The following CNTN5 variants were observed in gnomAD, a reference collection of about 807,000 sequenced individuals.
CNTN5 encodes the protein contactin 5.
In CNTN5, 77 loss-of-function variants were observed where a neutral mutation model predicts 129.1. The ratio of observed to expected loss-of-function variants is 0.60; its 90% CI spans 0.50 to 0.72. The LOEUF is 0.72. Among genes scored for constraint, CNTN5 ranks in the 30% least tolerant of loss-of-function variants. CNTN5 has a pLI of 0.00. For synonymous variants in CNTN5, 509 were observed against 465.6 expected, an observed-to-expected ratio of 1.09 and a Z score of -1.20; for missense variants, 1,478 against 1,328.8, an observed-to-expected ratio of 1.11 and a Z score of -1.75.
intron 1 of CNTN5, among the ~76,000 whole-genome samples, chr11:99,067,424 T>TAAAAAAAAA (rs11330416): frequency 7.4e-6 from 1 of 135,606 alleles, no homozygotes. Flanking sequence ...CAATGTTGAC[T>TAAAAAAAAA]AAAAAAAAAA....
rs146906403 is a variant in CNTN5 at position 100,033,150 on chromosome 11, G to C, written c.981-28062G>C. 1.4e-3 allele frequency among the ~76,000 whole-genome samples: 207 copies of C among 152,216 alleles called. 2 individuals are homozygous for C. The highest frequency in any genetic ancestry group is 4.8e-3 in the African/African-American group (200 of 41,530). Reference sequence around the variant, plus strand: ...TGACAGAATATAGACAGTTTTTAAAGTAATAAAATGTAATGAGCCCAGACG... The same window carrying C: ...TGACAGAATATAGACAGTTTTTAAACTAATAAAATGTAATGAGCCCAGACG... On this transcript the variant is annotated intron_variant, in intron 9 of 24. Transcript: ENST00000524871.
At position 99,537,719 on chromosome 11, in the gene CNTN5, A is replaced by G. The variant is rs141751939; in HGVS notation, c.-70-18426A>G. Among the ~76,000 whole-genome samples, 504 of 152,278 alleles carry G rather than the reference A, an allele frequency of 3.3e-3. 3 individuals carry two copies. Among genetic ancestry groups the G allele is most frequent in the Non-Finnish European group, 4.4e-3 (301 of 68,008 alleles). ...TTATTGGCAAACAGCTGTAAGAAGT[A>G]TGTAATAAACATCTAAGAACCATGC... On this transcript the variant is annotated intron_variant, in intron 2 of 24. Transcript: ENST00000524871.
intron 1 of CNTN5, among the ~76,000 whole-genome samples, chr11:99,053,139 G>T (rs1024628824): frequency 2.0e-5 from 3 of 151,806 alleles, no homozygotes; most frequent in African/African-American, 7.3e-5. Flanking sequence ...AATTTGCTAT[G>T]CTTTGAAGCC....
intron 15 of CNTN5, 102 bp downstream of exon 15, chr11:100,193,765 C>A (rs1184788961): frequency 1.3e-5 from 11 of 823,470 alleles, no homozygotes; most frequent in East Asian, 1.2e-4. Flanking sequence ...AAAAAAAAAA[C>A]AGAACATCGA....
chr11:99,833,642 GT>G (rs1394545234), intron 4 of CNTN5, among the ~76,000 whole-genome samples: 1 of 152,152 alleles, frequency 6.6e-6, no homozygotes, highest in Non-Finnish European at 1.5e-5. Context: ...GAATACGTTT[GT>G]TGAGGTGCAA....
intron 3 of CNTN5, among the ~76,000 whole-genome samples, chr11:99,684,553 C>G (rs1026763000): frequency 5.9e-5 from 9 of 151,844 alleles, no homozygotes. Flanking sequence ...TACGCTTTTC[C>G]TCTTTCTGAA....
At chr11:99,980,871 A>G (rs1417016484) in intron 8 of CNTN5, among the ~76,000 whole-genome samples, 1 of 151,926 alleles carries the variant, frequency 6.6e-6, no homozygotes, top group Non-Finnish European at 1.5e-5. Context: ...AACAGGCTTA[A>G]GATAGAATTT....
At chr11:99,596,258 G>T (rs1950123551) in intron 3 of CNTN5, among the ~76,000 whole-genome samples, 1 of 152,064 alleles carries the variant, frequency 6.6e-6, no homozygotes, top group South Asian at 2.1e-4. Flanking sequence ...ATAGGATTAA[G>T]ATATGAGTTT....
At chr11:100,162,428 T>C (rs1947487742) in intron 13 of CNTN5, among the ~76,000 whole-genome samples, 1 of 151,946 alleles carries the variant, frequency 6.6e-6, no homozygotes. Context: ...ATTATTTTAT[T>C]ATAAATTATT....
At position 99,819,577 on chromosome 11, in the gene CNTN5, C is replaced by T. The variant is rs868836971; in HGVS notation, c.89C>T (p.Ser30Leu). The T allele has an allele frequency of 8.7e-6, 14 of 1,612,778 alleles. No individual in the cohort carries two copies. Among genetic ancestry groups the T allele is most frequent in the Admixed American group, 8.3e-5 (5 of 60,030 alleles). The stretch of plus-strand genomic sequence containing the variant: ...AAATCTCTTCCTGGTCTCTCCACTT[C>T]ATATGCTGCTTTGTTAAGAATTAAG... The part of the protein sequence containing the change: ...YSKSLPGLST[S>L]YAALLRIKKS... Residue 30 changes from serine to leucine, a missense_variant, in exon 4 of 25, where the codon TCA (serine) becomes TTA (leucine). Ser to Leu is a moderately radical substitution (Grantham distance 145, BLOSUM62 -2). Transcript: ENST00000524871.
At chr11:99,115,002 C>T (rs948309849) in intron 1 of CNTN5, among the ~76,000 whole-genome samples, 1 of 152,104 alleles carries the variant, frequency 6.6e-6, no homozygotes, top group Non-Finnish European at 1.5e-5. Flanking sequence ...AAGAGAGCTC[C>T]CTTCCCCCTT....
At chr11:100,202,385 T>C (rs1271689832) in intron 15 of CNTN5, among the ~76,000 whole-genome samples, 1 of 151,918 alleles carries the variant, frequency 6.6e-6, no homozygotes, top group African/African-American at 2.4e-5. Context: ...CATGTATTCT[T>C]CTAATATTAC....
At chr11:99,176,078 A>C (rs1468991671) in intron 1 of CNTN5, among the ~76,000 whole-genome samples, 2 of 152,178 alleles carry the variant, frequency 1.3e-5, no homozygotes, top group African/African-American at 4.8e-5. Context: ...CCACTTAATT[A>C]CATCTGCTAA....
intron 1 of CNTN5, among the ~76,000 whole-genome samples, chr11:99,089,044 A>C (rs1866124902): frequency 6.6e-6 from 1 of 152,186 alleles, no homozygotes; most frequent in African/African-American, 2.4e-5. Flanking sequence ...GATTAAAAAA[A>C]TTGAATTGGA....
intron 2 of CNTN5, among the ~76,000 whole-genome samples, chr11:99,367,606 T>C (rs1404970509): frequency 6.6e-6 from 1 of 152,280 alleles, no homozygotes; most frequent in East Asian, 1.9e-4. Flanking sequence ...CTCATTGTTA[T>C]CTGAGTAACA....
chr11:99,863,793 T>A (rs528001267), intron 6 of CNTN5, among the ~76,000 whole-genome samples: 3 of 152,192 alleles, frequency 2.0e-5, no homozygotes, highest in Non-Finnish European at 4.4e-5. Context: ...TCACAGTTAA[T>A]GTTTAGAAAG....
At chr11:99,979,395 C>G (rs1938195096) in intron 8 of CNTN5, among the ~76,000 whole-genome samples, 2 of 152,224 alleles carry the variant, frequency 1.3e-5, no homozygotes, top group South Asian at 4.1e-4. Flanking sequence ...TTGTGAATTG[C>G]CCCAATTCTG....
chr11:99,943,392 C>A (rs575138396), intron 7 of CNTN5, among the ~76,000 whole-genome samples: 1 of 151,790 alleles, frequency 6.6e-6, no homozygotes, highest in Non-Finnish European at 1.5e-5. Flanking sequence ...TGTGTTTTTT[C>A]TTGTAAATTT....
intron 6 of CNTN5, among the ~76,000 whole-genome samples, chr11:99,891,196 A>T (rs1949049367): frequency 6.6e-6 from 1 of 152,148 alleles, no homozygotes; most frequent in African/African-American, 2.4e-5. Context: ...AGTCTGCCAT[A>T]TTTATGTAAG....
Sources: allele counts gnomAD v4.1 joint callset (sites outside exome capture counted in the v4.1 genomes callset), GRCh38; gene constraint gnomAD v4.1.1; transcripts MANE v1.5; gene names NCBI Gene and HGNC (gene_info 2026-07-23, HGNC 2026-07-21).